Variants in SORCS1 observed in about 807,000 individuals in gnomAD.
The protein encoded by SORCS1 is sortilin related VPS10 domain containing receptor 1, also known as VPS10 domain-containing receptor SorCS1.
SORCS1 carries 60 observed loss-of-function variants against 146.1 expected under a neutral mutation model. The ratio of observed to expected loss-of-function variants is 0.41; its 90% CI spans 0.33 to 0.51. The LOEUF is 0.51. Among genes scored for constraint, SORCS1 ranks in the 20% least tolerant of loss-of-function variants. The pLI is 0.21. For synonymous variants in SORCS1, 637 were observed against 584.0 expected (o/e 1.09, Z -1.31); for missense variants, 1,352 against 1,487.6 (o/e 0.91, Z 1.50).
intron 1 of SORCS1, among the ~76,000 whole-genome samples, chr10:106,958,396 A>T (rs1202796806): frequency 1.3e-5 from 2 of 152,190 alleles, no homozygotes; most frequent in Non-Finnish European, 2.9e-5. Context: ...CTAACCTTAA[A>T]TTCCGGGGCT....
At chr10:106,804,873 T>C (rs981985327) in intron 3 of SORCS1, among the ~76,000 whole-genome samples, 2 of 152,188 alleles carry the variant, frequency 1.3e-5, no homozygotes, top group African/African-American at 4.8e-5. Context: ...ACATAGGATA[T>C]AAGCGCACTA....
Position 106,810,401 on chromosome 10 carries a change from T to A in SORCS1, c.726+19173A>T, listed in dbSNP as rs563814570. Among the ~76,000 whole-genome samples, 48 of 152,264 alleles carry A rather than the reference T, an allele frequency of 3.2e-4. 2 individuals are homozygous for A. The highest frequency in any genetic ancestry group is 6.2e-4 in the South Asian group (3 of 4,830). On this transcript the variant is annotated intron_variant, in intron 3 of 25. Coordinates refer to ENST00000263054, the MANE Select transcript of SORCS1 (RefSeq NM_052918.5). ...TTTTAAAAAAATACCTGCAATTTTT[T>A]AAAAAAATGTTCTTCTTTCAAGGGC...
chr10:106,913,994 A>G (rs1952290965), intron 2 of SORCS1, among the ~76,000 whole-genome samples: 1 of 152,168 alleles, frequency 6.6e-6, no homozygotes, highest in African/African-American at 2.4e-5. Context: ...CAACCAATAC[A>G]CACATCCAGC....
At chr10:107,044,322 T>C (rs1351322723) in intron 1 of SORCS1, among the ~76,000 whole-genome samples, 2 of 152,026 alleles carry the variant, frequency 1.3e-5, no homozygotes, top group East Asian at 3.9e-4. Context: ...CCAAATTCTG[T>C]GTTTAGCCTT....
chr10:106,734,544 G>A (rs970077178), intron 5 of SORCS1, among the ~76,000 whole-genome samples: 1 of 152,152 alleles, frequency 6.6e-6, no homozygotes, highest in African/African-American at 2.4e-5. Context: ...GCCACAGATA[G>A]ATTAGCAAAA....
At chr10:106,711,316 T>G (rs2135855629) in intron 6 of SORCS1, among the ~76,000 whole-genome samples, 1 of 152,320 alleles carries the variant, frequency 6.6e-6, no homozygotes, top group East Asian at 1.9e-4. Context: ...CAGAATTCTA[T>G]TTTTCCAAAT....
At chr10:106,696,821 G>C (rs1490645575) in intron 9 of SORCS1, among the ~76,000 whole-genome samples, 1 of 152,134 alleles carries the variant, frequency 6.6e-6, no homozygotes, top group Admixed American at 6.5e-5. Context: ...ATCATCAAGG[G>C]ACCAATTAAA....
At chr10:107,176,729 G>A in the SORCS1 span, among the ~76,000 whole-genome samples, 15,296 of 152,050 alleles carry the variant, frequency 0.1, 802 homozygotes, top group African/African-American at 0.13. Flanking sequence ...TTTGAAATTC[G>A]TTGAAACTTG....
chr10:106,808,791 C>A (rs143987846), intron 3 of SORCS1, among the ~76,000 whole-genome samples: 5 of 152,082 alleles, frequency 3.3e-5, no homozygotes, highest in African/African-American at 1.2e-4. Context: ...CATGAGTCAC[C>A]GGAAAAGAGT....
At chr10:106,671,449 AT>A in intron 15 of SORCS1, 82 bp from the exon 16 acceptor site, 2 of 1,570,432 alleles carry the variant, frequency 1.3e-6, no homozygotes. Context: ...TTAGGGAGAC[AT>A]TTGCACATCT....
At chr10:106,605,307 C>T (rs1846498938) in intron 23 of SORCS1, among the ~76,000 whole-genome samples, 1 of 152,178 alleles carries the variant, frequency 6.6e-6, no homozygotes, top group African/African-American at 2.4e-5. Flanking sequence ...AGAAGTTTCA[C>T]AGAATGGACC....
At chr10:106,727,087 A>G (rs1228284653) in intron 6 of SORCS1, among the ~76,000 whole-genome samples, 1 of 139,028 alleles carries the variant, frequency 7.2e-6, no homozygotes, top group Non-Finnish European at 1.5e-5. Flanking sequence ...CTCTGTCTCA[A>G]AAAAAAAAAA....
At chr10:107,040,984 A>G (rs961216303) in intron 1 of SORCS1, among the ~76,000 whole-genome samples, 2 of 152,214 alleles carry the variant, frequency 1.3e-5, no homozygotes, top group Non-Finnish European at 2.9e-5. Context: ...AAAAATCCTC[A>G]AATAACTTAA....
intron 1 of SORCS1, among the ~76,000 whole-genome samples, chr10:106,973,106 G>T (rs1425394087): frequency 6.6e-6 from 1 of 152,116 alleles, no homozygotes; most frequent in Non-Finnish European, 1.5e-5. Flanking sequence ...ACATGAAGGG[G>T]TCATGTTCAG....
chr10:106,775,374 A>G (rs1378463783), intron 4 of SORCS1, among the ~76,000 whole-genome samples: 1 of 152,198 alleles, frequency 6.6e-6, no homozygotes, highest in Non-Finnish European at 1.5e-5. Flanking sequence ...AACAGGAAAA[A>G]AAAATGAATT....
rs574294239 is a variant in SORCS1 at position 106,697,869 on chromosome 10, C to A, written c.1413+1345G>T. ...TCTGTACTCTAAATTAAATTTTATTCAACATGAAGATGAAACTAAATCATC... is the reference window on the plus strand; with the variant it reads ...TCTGTACTCTAAATTAAATTTTATTAAACATGAAGATGAAACTAAATCATC... On this transcript the variant is annotated intron_variant, in intron 9 of 25. Transcript: ENST00000263054. Among the ~76,000 whole-genome samples, 17 of 152,204 alleles carry A rather than the reference C, an allele frequency of 1.1e-4. No homozygotes were observed. In the South Asian group the frequency reaches 3.5e-3, roughly 32 times the overall value.
At chr10:106,871,906 A>C (rs1589601305) in intron 2 of SORCS1, among the ~76,000 whole-genome samples, 1 of 152,364 alleles carries the variant, frequency 6.6e-6, no homozygotes, top group Non-Finnish European at 1.5e-5. Context: ...TAAAGTTAAA[A>C]AAAACTTGGT....
At chr10:106,806,027 T>C (rs1235867872) in intron 3 of SORCS1, among the ~76,000 whole-genome samples, 1 of 136,926 alleles carries the variant, frequency 7.3e-6, no homozygotes, top group Non-Finnish European at 1.5e-5. Flanking sequence ...ACCACTGCAC[T>C]CTAGCCTGGA....
the SORCS1 span, among the ~76,000 whole-genome samples, chr10:107,178,486 T>A: frequency 5.8e-4 from 82 of 141,916 alleles, 1 homozygote; most frequent in South Asian, 7.4e-3. Context: ...TAAAATTATT[T>A]TATATATATA....
Sources: allele counts gnomAD v4.1 joint callset (sites outside exome capture counted in the v4.1 genomes callset), GRCh38; gene constraint gnomAD v4.1.1; transcripts MANE v1.5; gene names NCBI Gene and HGNC (gene_info 2026-07-23, HGNC 2026-07-21).